NCKAP5: variants seen among roughly 807,000 people sequenced by gnomAD.
NCKAP5 encodes the protein nck-associated protein 5.
In NCKAP5, 92 loss-of-function variants were observed where a neutral mutation model predicts 167.0. The ratio of observed to expected loss-of-function variants is 0.55; its 90% CI spans 0.47 to 0.66. The LOEUF (loss-of-function observed/expected upper bound fraction) is 0.66. Among genes scored for constraint, NCKAP5 ranks in the 30% least tolerant of loss-of-function variants. NCKAP5 has a pLI of 0.00. For synonymous variants in NCKAP5, 891 were observed against 877.4 expected, an observed-to-expected ratio of 1.02 and a Z score of -0.27; for missense variants, 2,378 against 2,315.0, an observed-to-expected ratio of 1.03 and a Z score of -0.56.
chr2:132,938,088 G>C (rs1291368911), intron 8 of NCKAP5, among the ~76,000 whole-genome samples: 1 of 152,166 alleles, frequency 6.6e-6, no homozygotes, highest in Non-Finnish European at 1.5e-5. Flanking sequence ...TAAACATTTT[G>C]AAAGTCATCT....
the NCKAP5 span, among the ~76,000 whole-genome samples, chr2:133,663,325 T>C: frequency 6.6e-6 from 1 of 151,980 alleles, no homozygotes; most frequent in Admixed American, 6.6e-5. Context: ...CGTTGTAATC[T>C]TTTTGCTGGT....
chr2:133,533,968 C>T (rs1669463), intron 2 of NCKAP5, among the ~76,000 whole-genome samples: 3 of 151,788 alleles, frequency 2.0e-5, no homozygotes, highest in Admixed American at 6.6e-5. Context: ...TACACACACA[C>T]AAAAAATAAA....
chr2:133,326,259 T>C (rs974461544), intron 3 of NCKAP5, among the ~76,000 whole-genome samples: 8 of 152,026 alleles, frequency 5.3e-5, no homozygotes, highest in African/African-American at 1.9e-4. Flanking sequence ...ATTGAGGCCA[T>C]CCTGGCCAAC....
chr2:133,130,453 A>G lies in NCKAP5; in HGVS notation c.208-342T>C, dbSNP rs574659163. The stretch of plus-strand genomic sequence containing the variant: ...TTGAATGCACAATAAGTCAGATAAT[A>G]ATTAGTAAGATTATTACCTGTTCAG... On this transcript the variant is annotated intron_variant, in intron 5 of 19. Transcript: ENST00000409261. 2.6e-5 allele frequency among the ~76,000 whole-genome samples: 4 copies of G among 152,326 alleles called. No homozygotes were observed. The South Asian group carries it at 8.3e-4, about 32-fold the overall frequency.
At chr2:133,029,691 C>G (rs747807423) in intron 6 of NCKAP5, among the ~76,000 whole-genome samples, 3 of 152,060 alleles carry the variant, frequency 2.0e-5, no homozygotes, top group South Asian at 2.1e-4. Flanking sequence ...CTGAAATGAG[C>G]GCTACTTGCC....
intron 6 of NCKAP5, among the ~76,000 whole-genome samples, chr2:133,116,808 T>C (rs569932143): frequency 2.6e-4 from 40 of 152,316 alleles, no homozygotes; most frequent in Admixed American, 2.4e-3. Context: ...TGCTTAACCT[T>C]TCTGGGCTTT....
chr2:133,464,300 T>A (rs761471553), intron 3 of NCKAP5, among the ~76,000 whole-genome samples: 3 of 152,222 alleles, frequency 2.0e-5, no homozygotes, highest in Non-Finnish European at 4.4e-5. Context: ...GGCTTCTCTT[T>A]GACATATATG....
At chr2:133,550,572 A>T (rs1470080764) in intron 2 of NCKAP5, among the ~76,000 whole-genome samples, 113 of 106,342 alleles carry the variant, frequency 1.1e-3, no homozygotes, top group East Asian at 4.9e-3. Flanking sequence ...AACTCTCAAT[A>T]AATTAGGTAT....
chr2:133,534,715 AT>A (rs1685625498), intron 2 of NCKAP5, among the ~76,000 whole-genome samples: 4 of 152,156 alleles, frequency 2.6e-5, no homozygotes, highest in Admixed American at 2.6e-4. Context: ...GGTATACCAT[AT>A]TTTATTTATA....
At chr2:132,979,478 C>A (rs1011299055) in intron 7 of NCKAP5, among the ~76,000 whole-genome samples, 1 of 152,106 alleles carries the variant, frequency 6.6e-6, no homozygotes, top group African/African-American at 2.4e-5. Flanking sequence ...ACTTCCTCCC[C>A]AGCAACGAGC....
intron 3 of NCKAP5, among the ~76,000 whole-genome samples, chr2:133,465,727 T>C (rs1252125874): frequency 8.5e-5 from 13 of 152,112 alleles, no homozygotes; most frequent in Admixed American, 8.5e-4. Context: ...GGTACCTCAT[T>C]GTGGTTTTGA....
intron 3 of NCKAP5, among the ~76,000 whole-genome samples, chr2:133,478,652 C>G (rs1242488403): frequency 1.3e-5 from 2 of 152,100 alleles, no homozygotes. Flanking sequence ...GAAAAACTAG[C>G]CAAGATTTAT....
At position 132,921,848 on chromosome 2, in the gene NCKAP5, G is replaced by A. The variant is rs1695459296; in HGVS notation, c.579+41872C>T. ...CTTTCCAGGTGGGAATGTAATGCAG[G>A]TTTGGCCATTCGGTGCATTCCAACC... On this transcript the variant is annotated intron_variant, in intron 8 of 19. Transcript: ENST00000409261. 1.3e-5 allele frequency among the ~76,000 whole-genome samples: 2 copies of A among 152,146 alleles called. 1 individual carries two copies. The highest frequency in any genetic ancestry group is 4.1e-4 in the South Asian group (2 of 4,832).
chr2:133,278,468 C>T (rs1484494535), intron 4 of NCKAP5, among the ~76,000 whole-genome samples: 1 of 152,124 alleles, frequency 6.6e-6, no homozygotes, highest in African/African-American at 2.4e-5. Flanking sequence ...CTGCCCACAA[C>T]CAGGAATGGC....
In NCKAP5 at chr2:132,871,643, A is replaced by G. The variant is rs577600720; in HGVS notation, c.649-2669T>C. On this transcript the variant is annotated intron_variant, in intron 9 of 19. Coordinates refer to ENST00000409261, the MANE Select transcript of NCKAP5 (RefSeq NM_207363.3). ...CTCACAATCCAAGCAGTTGCCCTAT[A>G]GGCTTAGAGACTCTATATCTAACAC... Among the ~76,000 whole-genome samples, 221 of 152,290 alleles carry G rather than the reference A, an allele frequency of 1.5e-3. 1 individual carries two copies. The highest frequency in any genetic ancestry group is 5.2e-3 in the African/African-American group (216 of 41,568).
intron 6 of NCKAP5, among the ~76,000 whole-genome samples, chr2:133,007,733 C>T (rs753206545): frequency 5.3e-5 from 8 of 152,098 alleles, no homozygotes; most frequent in Admixed American, 2.0e-4. Flanking sequence ...GTCCAAAAAT[C>T]GTCCTGGTTT....
At chr2:132,895,188 G>A (rs6738886) in intron 8 of NCKAP5, among the ~76,000 whole-genome samples, 117,683 of 151,374 alleles carry the variant, frequency 0.78, 46,338 homozygotes, top group East Asian at 0.95. Flanking sequence ...AAAATTAGCC[G>A]GGCGTGGTGG....
intron 2 of NCKAP5, among the ~76,000 whole-genome samples, chr2:133,522,413 C>T (rs1684549129): frequency 6.6e-6 from 1 of 152,164 alleles, no homozygotes; most frequent in South Asian, 2.1e-4. Flanking sequence ...CATGGAGATG[C>T]CTTTGGAAAG....
At chr2:133,311,130 G>A (rs773466719) in intron 3 of NCKAP5, among the ~76,000 whole-genome samples, 16 of 152,050 alleles carry the variant, frequency 1.1e-4, no homozygotes, top group Admixed American at 8.5e-4. Flanking sequence ...AGACTGCCCC[G>A]GCTTCAGACA....
Sources: gnomAD v4.1 joint callset for allele counts (sites outside exome capture counted in the v4.1 genomes callset) on GRCh38, gnomAD v4.1.1 for gene constraint, MANE v1.5 for transcripts, NCBI Gene and HGNC (gene_info 2026-07-23, HGNC 2026-07-21) for gene names.